The following MAP2K2 variants were observed in gnomAD, a reference collection of about 807,000 sequenced individuals.
MAP2K2 encodes the protein dual specificity mitogen-activated protein kinase kinase 2.
MAP2K2 carries 24 observed loss-of-function variants against 43.7 expected under a neutral mutation model. The observed-to-expected ratio is 0.55, with a 90% CI of 0.40 to 0.77. MAP2K2 has a LOEUF of 0.77. Among genes scored for constraint, MAP2K2 ranks in the 30% least tolerant of loss-of-function variants. The probability of loss-of-function intolerance (pLI) is 0.00; values close to 1 mark genes in which losing one functional copy is unlikely to be tolerated. For synonymous variants in MAP2K2, 244 were observed against 239.7 expected (o/e 1.02, Z -0.17); for missense variants, 470 against 566.8 (o/e 0.83, Z 1.73).
At chr19:4,093,335 T>C (rs1356227057) in intron 10 of MAP2K2, among the ~76,000 whole-genome samples, 1 of 152,130 alleles carries the variant, frequency 6.6e-6, no homozygotes, top group African/African-American at 2.4e-5. Context: ...GAGTTGGGGC[T>C]ACAGTGAGCT....
Position 4,090,416 on chromosome 19 carries a change from G to A in MAP2K2, c.*182C>T. 3.1e-6 allele frequency: 2 copies of A among 645,782 alleles called. 1 individual carries two copies. The highest frequency in any genetic ancestry group is 3.5e-5 in the South Asian group (2 of 57,498). The allele number at this position is 645,782 out of a possible 1,614,324, so 40.0% of individuals were successfully genotyped here. ...GTCGCCCGTCCCCAGAGGCACCCCG[G>A]CCAGGACGGGCAGGAGAGGAGACCC... On this transcript the variant is annotated 3_prime_UTR_variant, in exon 11 of 11. Coordinates refer to ENST00000262948, the MANE Select transcript of MAP2K2 (RefSeq NM_030662.4).
chr19:4,114,867 T>G (rs971598284), intron 2 of MAP2K2, among the ~76,000 whole-genome samples: 5 of 151,870 alleles, frequency 3.3e-5, no homozygotes, highest in African/African-American at 1.2e-4. Context: ...GAGGTGGAGG[T>G]TGCAGTGAGC....
chr19:4,109,098 C>T (rs186618137), intron 3 of MAP2K2, among the ~76,000 whole-genome samples: 16 of 152,282 alleles, frequency 1.1e-4, no homozygotes, highest in African/African-American at 3.4e-4. Context: ...CAAAGGGGAT[C>T]GCACGTTTGC....
At chr19:4,123,536 C>T (rs1348432286) in intron 1 of MAP2K2, among the ~76,000 whole-genome samples, 1 of 135,576 alleles carries the variant, frequency 7.4e-6, no homozygotes, top group Non-Finnish European at 1.6e-5. Context: ...GTGCACCCTT[C>T]GCCCCGTCCT....
In MAP2K2 at chr19:4,101,043, G is replaced by A. The variant is rs751129624; in HGVS notation, c.681C>T (p.Phe227=). The stretch of plus-strand genomic sequence containing the variant: ...CAGCCATGTAGGAGCGCGTGCCCAC[G>A]AAGGAGTTGGCCATGGAGTCGATGA... ...GQLIDSMANS[F]VGTRSYMAPE... The change falls in exon 6 of 11, where the codon TTC becomes TTT. Residue 227 remains phenylalanine (F), a synonymous_variant. Transcript: ENST00000262948. The surrounding 1 kb of genome is among the most constrained non-coding windows in gnomAD (Gnocchi z 6.3). The A allele has an allele frequency of 5.1e-6, 8 of 1,572,358 alleles. No homozygotes were observed. The highest frequency in any genetic ancestry group is 6.9e-6 in the Non-Finnish European group (8 of 1,159,476).
intron 10 of MAP2K2, 53 bp from the exon 11 acceptor site, chr19:4,090,761 G>C (rs910448610): frequency 6.4e-6 from 8 of 1,240,370 alleles, no homozygotes; most frequent in Non-Finnish European, 9.3e-6. Flanking sequence ...CAGTAGGACG[G>C]GGAGGGCCAG....
At chr19:4,099,095 A>G in intron 7 of MAP2K2, 106 bp downstream of exon 7, 1 of 916,696 alleles carries the variant, frequency 1.1e-6, no homozygotes, top group Non-Finnish European at 1.7e-6. Context: ...CCAGGGGGAC[A>G]GGTGGTGCGC....
intron 2 of MAP2K2, among the ~76,000 whole-genome samples, chr19:4,114,390 G>A (rs2041194790): frequency 6.6e-6 from 1 of 152,212 alleles, no homozygotes; most frequent in Non-Finnish European, 1.5e-5. Context: ...ACAGCAGCTG[G>A]TACTGTGAGG....
chr19:4,120,508 G>A (rs1423848682), intron 1 of MAP2K2, among the ~76,000 whole-genome samples: 1 of 152,072 alleles, frequency 6.6e-6, no homozygotes, highest in Admixed American at 6.5e-5. Context: ...ATAGAGACGG[G>A]GTTTTGCCAT....
intron 3 of MAP2K2, chr19:4,103,015 C>T (rs1051530275): frequency 4.1e-5 from 43 of 1,057,408 alleles, no homozygotes; most frequent in Non-Finnish European, 4.8e-5. Flanking sequence ...CCAAGCCCTG[C>T]GGCTCCACTG....
intron 3 of MAP2K2, among the ~76,000 whole-genome samples, chr19:4,104,407 G>T (rs1365334526): frequency 6.6e-6 from 1 of 151,840 alleles, no homozygotes; most frequent in Non-Finnish European, 1.5e-5. Context: ...ACCAAAATCA[G>T]CCGGGCGTGG....
intron 8 of MAP2K2, among the ~76,000 whole-genome samples, chr19:4,096,127 C>T (rs1023598425): frequency 1.3e-5 from 2 of 152,338 alleles, no homozygotes; most frequent in Middle Eastern, 3.4e-3. Flanking sequence ...GCCTGACACA[C>T]GTCCCCGGAG....
chr19:4,091,428 C>T (rs2040853440), intron 10 of MAP2K2, among the ~76,000 whole-genome samples: 1 of 151,992 alleles, frequency 6.6e-6, no homozygotes, highest in South Asian at 2.1e-4. Context: ...TCTTAGCTCA[C>T]TGCAACCTCC....
chr19:4,115,279 G>GC lies in MAP2K2; in HGVS notation c.303+2139dup, dbSNP rs1037614870. Among the ~76,000 whole-genome samples the GC allele has an allele frequency of 6.6e-6, 1 of 152,048 alleles. No homozygotes were observed. The highest frequency in any genetic ancestry group is 1.5e-5 in the Non-Finnish European group (1 of 67,984). ...GCCACGCCTGCCCTCAGGTTCAAAG[G>GC]CCCCGATCTCCCTTTCCCCGCTACA... On this transcript the variant is annotated intron_variant, in intron 2 of 10. Coordinates refer to ENST00000262948, the MANE Select transcript of MAP2K2 (RefSeq NM_030662.4). This position sits in a 1 kb window ranked among gnomAD's most constrained non-coding sequence, Gnocchi z 4.1.
chr19:4,100,854 C>A, intron 6 of MAP2K2, 165 bp downstream of exon 6: 1 of 788,662 alleles, frequency 1.3e-6, no homozygotes, highest in Non-Finnish European at 2.0e-6. Context: ...GGGAAAGCCT[C>A]GTGGGAGGCG....
intron 3 of MAP2K2, among the ~76,000 whole-genome samples, chr19:4,108,236 G>A (rs2041111482): frequency 6.6e-6 from 1 of 152,080 alleles, no homozygotes; most frequent in Non-Finnish European, 1.5e-5. Context: ...GCTCCACGTT[G>A]TTTTTGTTTG....
intron 7 of MAP2K2, among the ~76,000 whole-genome samples, chr19:4,098,125 AC>A (rs1321474435): frequency 1.3e-5 from 2 of 152,138 alleles, no homozygotes; most frequent in Non-Finnish European, 1.5e-5. Context: ...TTTCAAAAGG[AC>A]CCAGGCTCTG....
chr19:4,110,743 A>G (rs2145070806), intron 2 of MAP2K2, 88 bp from the exon 3 acceptor site: 1 of 1,468,828 alleles, frequency 6.8e-7, no homozygotes, highest in Non-Finnish European at 9.2e-7. Flanking sequence ...AGGCGTTCCC[A>G]ACAGTGGTCA....
At chr19:4,103,825 C>G (rs573921739) in intron 3 of MAP2K2, among the ~76,000 whole-genome samples, 15 of 152,348 alleles carry the variant, frequency 9.8e-5, no homozygotes, top group African/African-American at 3.6e-4. Flanking sequence ...GACGCAGACA[C>G]ACAGGGTGAG....
Sources: gnomAD v4.1 joint callset for allele counts (sites outside exome capture counted in the v4.1 genomes callset) on GRCh38, gnomAD v4.1.1 for gene constraint, Gnocchi (gnomAD v3.1) non-coding constraint, MANE v1.5 for transcripts, NCBI Gene and HGNC (gene_info 2026-07-23, HGNC 2026-07-21) for gene names.